Variants in ARID3B observed in about 807,000 individuals in gnomAD.
ARID3B encodes AT-rich interaction domain 3B.
Under a neutral mutation model 51.9 loss-of-function variants are expected in ARID3B, and 10 were observed. The observed-to-expected ratio is 0.19, with a 90% CI of 0.12 to 0.33. ARID3B has a LOEUF of 0.33. ARID3B is among the 10% of genes least tolerant of loss of function. The probability of loss-of-function intolerance (pLI) is 1.00; values close to 1 mark genes in which losing one functional copy is unlikely to be tolerated. For synonymous variants in ARID3B, 205 were observed against 279.5 expected (o/e 0.73, Z 2.66); for missense variants, 483 against 716.3 (o/e 0.67, Z 3.72).
intron 2 of ARID3B, among the ~76,000 whole-genome samples, chr15:74,550,580 C>T (rs2061632992): frequency 6.6e-6 from 1 of 151,848 alleles, no homozygotes; most frequent in Non-Finnish European, 1.5e-5. Context: ...GTGGCAGGCG[C>T]CTGCGGTCCC....
At chr15:74,577,662 C>T (rs980545385) in intron 4 of ARID3B, among the ~76,000 whole-genome samples, 4 of 152,092 alleles carry the variant, frequency 2.6e-5, no homozygotes, top group African/African-American at 9.7e-5. Context: ...TCTGGGCCTA[C>T]AGGTGTGCAC....
At chr15:74,590,106 A>T in intron 5 of ARID3B, 103 bp downstream of exon 5, 1 of 1,327,630 alleles carries the variant, frequency 7.5e-7, no homozygotes. Context: ...GGTTAGCAAG[A>T]TGAGTGGATT....
At chr15:74,548,291 T>G (rs962063408) in intron 2 of ARID3B, among the ~76,000 whole-genome samples, 4 of 152,120 alleles carry the variant, frequency 2.6e-5, no homozygotes, top group African/African-American at 9.7e-5. Context: ...CTTGAGCCCA[T>G]TGGTAGAGCT....
chr15:74,591,668 G>A lies in ARID3B; in HGVS notation c.1274G>A (p.Arg425Gln), dbSNP rs752995560. The A allele has an allele frequency of 9.9e-6, 16 of 1,609,094 alleles. No individual in the cohort carries two copies. The highest frequency in any genetic ancestry group is 7.7e-5 in the South Asian group (7 of 90,642). ...CGGACCGCCGCACTGGAGCAGCTGC[G>A]GGAGCGGCTGGAGTCAGGGGAGCCT... ...GTRTAALEQL[R>Q]ERLESGEPAE... is the part of the protein sequence containing the mutation. Residue 425 changes from arginine (R) to glutamine (Q), a missense_variant, in exon 7 of 9, where the codon CGG becomes CAG. Physicochemically the swap from Arg to Gln is conservative, Grantham distance 43 (BLOSUM62 1). This residue lies in a region of ARID3B where 265 missense variants were observed against 354.4 expected (regional missense o/e 0.75). Transcript: ENST00000346246. The surrounding 1 kb of genome is among the most constrained non-coding windows in gnomAD (Gnocchi z 5.8).
intron 2 of ARID3B, among the ~76,000 whole-genome samples, chr15:74,557,817 C>CT (rs11307414): frequency 0.017 from 1,918 of 109,760 alleles, 82 homozygotes; most frequent in African/African-American, 0.049. Flanking sequence ...TTTCGACTTA[C>CT]TTTTTTTTTT....
At chr15:74,544,733 C>G (rs1304442801) in intron 2 of ARID3B, among the ~76,000 whole-genome samples, 1 of 150,334 alleles carries the variant, frequency 6.7e-6, no homozygotes, top group Admixed American at 6.6e-5. Context: ...CTCTGTCACC[C>G]AAGCTGGAGT....
intron 8 of ARID3B, among the ~76,000 whole-genome samples, chr15:74,594,205 T>G (rs2061814902): frequency 6.6e-6 from 1 of 152,118 alleles, no homozygotes; most frequent in Non-Finnish European, 1.5e-5. Context: ...TCCCAGCATT[T>G]TGGGAGGCCA....
At position 74,593,181 on chromosome 15, in the gene ARID3B, G is replaced by A. The variant is rs533604613; in HGVS notation, c.1464G>A (p.Thr488=). ...CGGCTGCAGCACTGAACCTGACCAC[G>A]AGTAGCATTGGGAGCATTAACATGT... ...EASAAALNLT[T]SSIGSINMSV... Residue 488 remains threonine, a synonymous_variant, in exon 8 of 9, where the codon ACG becomes ACA. Transcript: ENST00000346246. The A allele has an allele frequency of 6.2e-6, 10 of 1,613,736 alleles. No individual in the cohort carries two copies. Among genetic ancestry groups the A allele is most frequent in the Admixed American group, 5.0e-5 (3 of 60,028 alleles).
intron 2 of ARID3B, among the ~76,000 whole-genome samples, chr15:74,567,486 T>C (rs952903350): frequency 1.3e-5 from 2 of 152,054 alleles, no homozygotes; most frequent in African/African-American, 4.8e-5. Context: ...ATGCTCTACC[T>C]GGGGTAGGTT....
rs535459205 is a variant in ARID3B, at chr15:74,595,952, A to G, written c.*178A>G. On this transcript the variant is annotated 3_prime_UTR_variant, in exon 9 of 9. Transcript: ENST00000346246. ...TCAGGTCCTGCTGTACTCTGGGGGC[A>G]GGGAGAGGCTAGAGGGGCAGGACAG... 63 of 735,728 alleles carry G rather than the reference A, an allele frequency of 8.6e-5. No homozygotes were observed. The East Asian group carries it at 1.6e-3, about 18-fold the overall frequency. 45.6% of individuals were successfully genotyped at this position (735,728 alleles called of 1,614,324 possible). A position where few individuals can be genotyped will look rare whatever the true frequency, so the allele number is the denominator to read the frequency against.
intron 3 of ARID3B, 49 bp from the exon 4 acceptor site, chr15:74,573,083 A>C (rs1403061666): frequency 6.2e-7 from 1 of 1,607,848 alleles, no homozygotes; most frequent in Non-Finnish European, 8.5e-7. Context: ...AGACTTCAGC[A>C]AGATGGAATT....
intron 1 of ARID3B, among the ~76,000 whole-genome samples, chr15:74,542,054 C>G (rs1245345339): frequency 2.0e-5 from 3 of 152,108 alleles, no homozygotes; most frequent in African/African-American, 7.2e-5. Context: ...GGGACACCTC[C>G]CCCTCTGCTG....
intron 2 of ARID3B, among the ~76,000 whole-genome samples, chr15:74,553,815 A>ATTTATTTATTTG (rs2061646660): frequency 6.7e-6 from 1 of 149,986 alleles, no homozygotes; most frequent in Admixed American, 6.7e-5. Context: ...TTATTTATTT[A>ATTTATTTATTTG]TTTATTTATT....
At chr15:74,579,003 T>C (rs1334719488) in intron 4 of ARID3B, among the ~76,000 whole-genome samples, 1 of 152,200 alleles carries the variant, frequency 6.6e-6, no homozygotes, top group Non-Finnish European at 1.5e-5. Flanking sequence ...CCAGGTGGGC[T>C]GTGAGAGGGG....
At chr15:74,562,471 G>C (rs1181565423) in intron 2 of ARID3B, among the ~76,000 whole-genome samples, 1 of 152,036 alleles carries the variant, frequency 6.6e-6, no homozygotes, top group African/African-American at 2.4e-5. Flanking sequence ...GAGTATATTG[G>C]GTTGTTAACG....
intron 7 of ARID3B, among the ~76,000 whole-genome samples, chr15:74,592,533 C>T (rs1188806882): frequency 6.6e-6 from 1 of 152,196 alleles, no homozygotes; most frequent in Non-Finnish European, 1.5e-5. Context: ...GGTAACAGCT[C>T]ATCCAGGGCC....
chr15:74,548,049 T>C (rs1008630361), intron 2 of ARID3B, among the ~76,000 whole-genome samples: 1 of 152,252 alleles, frequency 6.6e-6, no homozygotes, highest in Non-Finnish European at 1.5e-5. Context: ...TATTATTCTC[T>C]GACACCACAG....
chr15:74,587,700 C>T (rs942571334), intron 4 of ARID3B, among the ~76,000 whole-genome samples: 10 of 152,002 alleles, frequency 6.6e-5, no homozygotes, highest in African/African-American at 1.9e-4. Context: ...AAAAGGAGGT[C>T]GACGTTAGCC....
intron 4 of ARID3B, among the ~76,000 whole-genome samples, chr15:74,585,268 G>A (rs1221159051): frequency 6.6e-6 from 1 of 152,196 alleles, no homozygotes; most frequent in African/African-American, 2.4e-5. Context: ...CATTTCTTGT[G>A]GACAGAGGCC....
Sources: gnomAD v4.1 joint callset for allele counts (sites outside exome capture counted in the v4.1 genomes callset) on GRCh38, gnomAD v4.1.1 for gene constraint, gnomAD v4.1.1 regional missense constraint, Gnocchi (gnomAD v3.1) non-coding constraint, MANE v1.5 for transcripts, NCBI Gene and HGNC (gene_info 2026-07-23, HGNC 2026-07-21) for gene names.